PDE9A: variants seen among roughly 807,000 people sequenced by gnomAD.
PDE9A encodes the protein high affinity cGMP-specific 3',5'-cyclic phosphodiesterase 9A.
A neutral mutation model predicts 87.4 loss-of-function variants in PDE9A; 60 were observed. The ratio of observed to expected loss-of-function variants is 0.69; its 90% CI spans 0.56 to 0.85. The LOEUF (loss-of-function observed/expected upper bound fraction) is 0.85, where lower values mean the gene tolerates loss of function less well. Among genes scored for constraint, PDE9A ranks in the 40% least tolerant of loss-of-function variants. The pLI is 0.00. For synonymous variants in PDE9A, 272 were observed against 279.4 expected (o/e 0.97, Z 0.27); for missense variants, 665 against 779.0 (o/e 0.85, Z 1.74).
chr21:42,771,321 T>C (rs2269175), intron 18 of PDE9A, among the ~76,000 whole-genome samples: 101,261 of 152,146 alleles, frequency 0.67, 33,914 homozygotes, highest in South Asian at 0.74. Flanking sequence ...TGCTGCTGGA[T>C]AGATATCATT....
chr21:42,736,249 C>G (rs968707140), intron 7 of PDE9A, among the ~76,000 whole-genome samples: 10 of 152,166 alleles, frequency 6.6e-5, no homozygotes, highest in African/African-American at 2.2e-4. Context: ...ATGTCGCCCA[C>G]AACAAGATGA....
chr21:42,683,563 G>A (rs527648249), intron 1 of PDE9A, among the ~76,000 whole-genome samples: 5 of 152,266 alleles, frequency 3.3e-5, no homozygotes, highest in Admixed American at 6.5e-5. Flanking sequence ...CTCCGGGGCC[G>A]CCTGGGCTGC....
rs1007437410 is a variant in PDE9A at position 42,659,493 on chromosome 21, C to T, written c.69+5610C>T. Among the ~76,000 whole-genome samples the T allele has an allele frequency of 6.6e-6, 1 of 152,180 alleles. No homozygotes were observed. Among genetic ancestry groups the T allele is most frequent in the Non-Finnish European group, 1.5e-5 (1 of 68,022 alleles). On this transcript the variant is annotated intron_variant, in intron 1 of 19. Coordinates refer to ENST00000291539, the MANE Select transcript of PDE9A (RefSeq NM_002606.3). This position sits in a 1 kb window ranked among gnomAD's most constrained non-coding sequence, Gnocchi z 4.1. The stretch of plus-strand genomic sequence containing the variant: ...AAGTGGAGGCTCACTGTGCAGTCCA[C>T]GCGGAGCAATGGGGTGAAGTTTCCA...
chr21:42,768,626 C>T (rs1009342417), intron 16 of PDE9A: 7 of 985,388 alleles, frequency 7.1e-6, no homozygotes, highest in Non-Finnish European at 8.4e-6. Context: ...CCAGGAGGGC[C>T]GAGACCCAGC....
Position 42,743,790 on chromosome 21 carries a change from G to T in PDE9A, c.583G>T (p.Val195Leu). The part of the protein sequence containing the change: ...EKRVELEGLK[V>L]VEIEKCKSDI... ...TCTGTCACCAGTGGAAGGACTAAAA[G>T]TGGTGGAGATTGAGAAATGCAAGAG... Residue 195 changes from valine to leucine, a missense_variant, in exon 8 of 20, where the codon GTG becomes TTG. By Grantham distance (32) the Val-to-Leu change is conservative. Coordinates refer to ENST00000291539, the MANE Select transcript of PDE9A (RefSeq NM_002606.3). 1 of 1,590,970 alleles carries T rather than the reference G, an allele frequency of 6.3e-7. No homozygotes were observed. Among genetic ancestry groups the T allele is most frequent in the Non-Finnish European group, 8.6e-7 (1 of 1,167,290 alleles).
rs770883595 is a variant in PDE9A, at chr21:42,687,981, G to A, written c.205G>A (p.Ala69Thr). ...GGTCTCCATCGACCCCACCATGCCC[G>A]CGAATTCAGAACGGTAAGAGGCTCC... ...AMVSIDPTMP[A>T]NSERTPYKVR... The change falls in exon 3 of 20, where the codon GCG becomes ACG. Residue 69 changes from alanine (A) to threonine (T), a missense_variant. Coordinates refer to ENST00000291539, the MANE Select transcript of PDE9A (RefSeq NM_002606.3). 36 of 1,612,570 alleles carry A rather than the reference G, an allele frequency of 2.2e-5. No homozygotes were observed. The highest frequency in any genetic ancestry group is 2.7e-5 in the African/African-American group (2 of 74,930).
chr21:42,754,152 T>C, intron 10 of PDE9A, 88 bp downstream of exon 10: 1 of 708,662 alleles, frequency 1.4e-6, no homozygotes, highest in Non-Finnish European at 2.5e-6. Flanking sequence ...TCGCTCTTCC[T>C]CCTTCTTGCT....
chr21:42,699,748 G>A (rs973648543), intron 4 of PDE9A, among the ~76,000 whole-genome samples: 7 of 151,782 alleles, frequency 4.6e-5, no homozygotes, highest in East Asian at 1.9e-4. Context: ...TGGTAGAGAC[G>A]GGATTTTGCC....
Position 42,760,336 on chromosome 21 carries a change from C to A in PDE9A, c.906C>A (p.Val302=). 2 of 1,603,826 alleles carry A rather than the reference C, an allele frequency of 1.2e-6. No individual in the cohort carries two copies. Among genetic ancestry groups the A allele is most frequent in the Non-Finnish European group, 1.7e-6 (2 of 1,174,268 alleles). ...PVTLRRWLFC[V]HDNYRNNPFH... is the part of the protein sequence containing the mutation. ...CCCCCTGCCTCCCGCAGTTCTGCGT[C>A]CACGACAACTACAGAAACAACCCCT... The change falls in exon 12 of 20, where the codon GTC becomes GTA. Residue 302 remains valine (V), a synonymous_variant. Coordinates refer to ENST00000291539, the MANE Select transcript of PDE9A (RefSeq NM_002606.3). This position sits in a 1 kb window ranked among gnomAD's most constrained non-coding sequence, Gnocchi z 5.2.
Position 42,760,802 on chromosome 21 carries a change from C to A in PDE9A, c.1003-23C>A. On this transcript the variant is annotated intron_variant, in intron 12 of 19. Coordinates refer to ENST00000291539, the MANE Select transcript of PDE9A (RefSeq NM_002606.3). The surrounding 1 kb of genome is among the most constrained non-coding windows in gnomAD (Gnocchi z 5.2). ...CCCTCCGAGTGAAGAGAGCAAACAC[C>A]TACGCCCTGTTTTCCAATCCAGGAG... The A allele has an allele frequency of 6.9e-7, 1 of 1,451,690 alleles. No individual in the cohort carries two copies. Among genetic ancestry groups the A allele is most frequent in the South Asian group, 1.1e-5 (1 of 87,386 alleles). 89.9% of individuals were successfully genotyped at this position (1,451,690 alleles called of 1,614,324 possible).
At position 42,758,980 on chromosome 21, in the gene PDE9A, C is replaced by A; in HGVS notation, c.811-19C>A. 1.2e-6 allele frequency: 2 copies of A among 1,601,920 alleles called. No homozygotes were observed. The highest frequency in any genetic ancestry group is 1.1e-5 in the South Asian group (1 of 90,846). Reference sequence around the variant, plus strand: ...GGCCACACAACTGCCCAGTGCCTATCCTTCTCCTGTGCCCACAGATGCTGA... The same window carrying A: ...GGCCACACAACTGCCCAGTGCCTATACTTCTCCTGTGCCCACAGATGCTGA... On this transcript the variant is annotated intron_variant, in intron 10 of 19. Coordinates refer to ENST00000291539, the MANE Select transcript of PDE9A (RefSeq NM_002606.3).
intron 1 of PDE9A, among the ~76,000 whole-genome samples, chr21:42,655,104 T>TCA (rs376727348): frequency 2.8e-4 from 42 of 150,710 alleles, no homozygotes; most frequent in East Asian, 1.2e-3. Flanking sequence ...GCATGCACAC[T>TCA]CACACACACA....
intron 4 of PDE9A, among the ~76,000 whole-genome samples, chr21:42,729,888 T>C (rs62213381): frequency 0.18 from 26,671 of 152,180 alleles, 2,658 homozygotes; most frequent in African/African-American, 0.28. Context: ...CTCAGTTCCT[T>C]TAGATTGGGT....
intron 1 of PDE9A, among the ~76,000 whole-genome samples, chr21:42,667,369 T>C (rs1325023693): frequency 1.3e-5 from 2 of 152,186 alleles, no homozygotes; most frequent in Non-Finnish European, 2.9e-5. Context: ...CCACAGTTCT[T>C]AAACTACTCG....
At chr21:42,753,014 T>TTTA (rs1555944808) in intron 9 of PDE9A, among the ~76,000 whole-genome samples, 4,817 of 151,620 alleles carry the variant, frequency 0.032, 110 homozygotes, top group South Asian at 0.063. Context: ...CCTTTTTTTA[T>TTTA]TATTATTTTT....
intron 14 of PDE9A, among the ~76,000 whole-genome samples, chr21:42,762,630 CT>C (rs1387133460): frequency 5.3e-5 from 8 of 152,346 alleles, no homozygotes; most frequent in Admixed American, 2.0e-4. Flanking sequence ...GAGCTGCCCC[CT>C]GCCCCATAAC....
chr21:42,719,588 C>T (rs1333797493), intron 4 of PDE9A, among the ~76,000 whole-genome samples: 2 of 144,758 alleles, frequency 1.4e-5, no homozygotes, highest in Non-Finnish European at 3.1e-5. Context: ...TGCAGTGAGC[C>T]GAGATGGCGC....
intron 16 of PDE9A, chr21:42,768,579 A>G (rs905318909): frequency 2.0e-6 from 2 of 985,476 alleles, no homozygotes; most frequent in Non-Finnish European, 2.4e-6. Flanking sequence ...AATTGCCTGA[A>G]AGTCAAGAAG....
rs550435185 is a variant in PDE9A, at chr21:42,662,707, C to T, written c.69+8824C>T. Among the ~76,000 whole-genome samples the T allele has an allele frequency of 3.9e-3, 551 of 141,812 alleles. 2 individuals are homozygous for T. The highest frequency in any genetic ancestry group is 0.014 in the African/African-American group (521 of 37,902). The allele number at this position is 141,812 out of a possible 152,430, so 93.0% of individuals were successfully genotyped here. ...CACACACATGCACACACCATGCACA[C>T]GCACATCACACACTTGTACACACCA... On this transcript the variant is annotated intron_variant, in intron 1 of 19. Transcript: ENST00000291539.
Sources: gnomAD v4.1 joint callset for allele counts (sites outside exome capture counted in the v4.1 genomes callset) on GRCh38, gnomAD v4.1.1 for gene constraint, Gnocchi (gnomAD v3.1) non-coding constraint, MANE v1.5 for transcripts, NCBI Gene and HGNC (gene_info 2026-07-23, HGNC 2026-07-21) for gene names.